The following RANBP2 variants were observed in gnomAD, a reference collection of about 807,000 sequenced individuals.
RANBP2 encodes the protein RAN binding protein 2, also known as E3 SUMO-protein ligase RanBP2.
A neutral mutation model predicts 303.6 loss-of-function variants in RANBP2; 57 were observed. The ratio of observed to expected loss-of-function variants is 0.19; its 90% CI spans 0.15 to 0.23. The LOEUF (loss-of-function observed/expected upper bound fraction) is 0.23. Ranked by LOEUF, RANBP2 falls within the 10% of genes least tolerant of loss-of-function variation. The probability of loss-of-function intolerance (pLI) is 1.00; values close to 1 mark genes in which losing one functional copy is unlikely to be tolerated. For missense variants in RANBP2, 3,138 were observed against 3,780.8 expected (o/e 0.83, Z 4.46); for synonymous variants, 1,167 against 1,301.5 (o/e 0.90, Z 2.23).
the RANBP2 span, chr2:108,930,072 A>G: frequency 7.8e-3 from 12,286 of 1,583,664 alleles, 68 homozygotes; most frequent in Non-Finnish European, 9.7e-3. Flanking sequence ...CACAAGCAGG[A>G]GGCCTCCCCT....
chr2:109,005,824 C>A, the RANBP2 span, among the ~76,000 whole-genome samples: 3 of 152,226 alleles, frequency 2.0e-5, no homozygotes, highest in South Asian at 6.2e-4. Context: ...TGGAAATCAG[C>A]TGTAACCACT....
intron 20 of RANBP2, chr2:108,769,326 C>G (rs1041007048): frequency 3.0e-6 from 3 of 984,316 alleles, no homozygotes; most frequent in African/African-American, 3.5e-5. Context: ...TCCTCACAGC[C>G]TGAGAGCAAA....
chr2:108,775,124 T>C lies in RANBP2; in HGVS notation c.8293-608T>C, dbSNP rs114778713. 3.2e-3 allele frequency among the ~76,000 whole-genome samples: 483 copies of C among 152,356 alleles called. 2 individuals are homozygous for C. The highest frequency in any genetic ancestry group is 0.011 in the African/African-American group (441 of 41,578). ...AACTGGCAAGTTTTAATATGTGATA[T>C]TTTCTCTTTCATGCAGTTTGAAATA... On this transcript the variant is annotated intron_variant, in intron 23 of 28. Transcript: ENST00000283195.
At chr2:109,620,358 G>T in the RANBP2 span, among the ~76,000 whole-genome samples, 110 of 152,252 alleles carry the variant, frequency 7.2e-4, 1 homozygote, top group South Asian at 0.023. Flanking sequence ...AGCTTTATTA[G>T]AACTGTACTT....
chr2:108,740,782 C>G, intron 7 of RANBP2, 101 bp downstream of exon 7: 1 of 1,528,104 alleles, frequency 6.5e-7, no homozygotes, highest in Non-Finnish European at 8.8e-7. Flanking sequence ...GTGAACAAAC[C>G]TGTGGAATTA....
chr2:108,952,191 A>C, the RANBP2 span, among the ~76,000 whole-genome samples: 8 of 152,310 alleles, frequency 5.3e-5, no homozygotes, highest in African/African-American at 1.4e-4. Flanking sequence ...TTCAGGTATG[A>C]GCACCATGTG....
chr2:109,744,568 CAAT>C, the RANBP2 span, among the ~76,000 whole-genome samples: 4 of 97,790 alleles, frequency 4.1e-5, 1 homozygote, highest in Admixed American at 3.1e-4. Flanking sequence ...TCTTAATAGC[CAAT>C]AATAATAAAA....
the RANBP2 span, among the ~76,000 whole-genome samples, chr2:109,119,521 C>CT: frequency 2.0e-5 from 3 of 152,102 alleles, no homozygotes; most frequent in East Asian, 5.8e-4. Flanking sequence ...ATGCTGGAAG[C>CT]TTTTTTTATA....
At chr2:109,357,427 C>T in the RANBP2 span, among the ~76,000 whole-genome samples, 70 of 152,288 alleles carry the variant, frequency 4.6e-4, no homozygotes, top group African/African-American at 1.6e-3. Flanking sequence ...GTGATCCACC[C>T]ACCTCGGCCT....
the RANBP2 span, among the ~76,000 whole-genome samples, chr2:109,221,615 C>T: frequency 6.6e-6 from 1 of 151,160 alleles, no homozygotes; most frequent in Non-Finnish European, 1.5e-5. Flanking sequence ...GTGCATCTTC[C>T]TGATGGTTAG....
chr2:109,680,163 G>A, the RANBP2 span, among the ~76,000 whole-genome samples: 3 of 148,930 alleles, frequency 2.0e-5, no homozygotes, highest in East Asian at 5.9e-4. Flanking sequence ...GGCTAACATG[G>A]TGAAACTGTC....
In RANBP2 at chr2:108,782,247, T is replaced by C. The variant is rs1678303802; in HGVS notation, c.8880T>C (p.Ile2960=). 1 of 1,614,152 alleles carries C rather than the reference T, an allele frequency of 6.2e-7. No homozygotes were observed. The highest frequency in any genetic ancestry group is 8.5e-7 in the Non-Finnish European group (1 of 1,180,032). Residue 2960 remains isoleucine (I), a synonymous_variant, in exon 27 of 29, where the codon ATT becomes ATC. Coordinates refer to ENST00000283195, the MANE Select transcript of RANBP2 (RefSeq NM_006267.5). ...WKERGVGDIK[I]LWHTMKNYYR... is the part of the protein sequence containing the mutation. ...AGCGCGGTGTTGGAGATATAAAGATTCTTTGGCATACAATGAAGAATTATT... is the reference window on the plus strand; with the variant it reads ...AGCGCGGTGTTGGAGATATAAAGATCCTTTGGCATACAATGAAGAATTATT...
intron 25 of RANBP2, 135 bp from the exon 26 acceptor site, chr2:108,781,134 A>C: frequency 1.0e-6 from 1 of 999,710 alleles, no homozygotes; most frequent in Non-Finnish European, 1.5e-6. Flanking sequence ...ATTTACTAGA[A>C]TAATATAATT....
chr2:108,777,680 C>T (rs1294077775), intron 25 of RANBP2, among the ~76,000 whole-genome samples: 3 of 151,712 alleles, frequency 2.0e-5, no homozygotes, highest in Non-Finnish European at 2.9e-5. Context: ...GTGTGCTTGC[C>T]CATCTTCTTT....
At chr2:109,202,620 C>T in the RANBP2 span, among the ~76,000 whole-genome samples, 1 of 152,122 alleles carries the variant, frequency 6.6e-6, no homozygotes, top group African/African-American at 2.4e-5. Flanking sequence ...GAGGGTGAGG[C>T]GTCAGCCCGG....
At chr2:108,922,127 C>T in the RANBP2 span, among the ~76,000 whole-genome samples, 1 of 152,348 alleles carries the variant, frequency 6.6e-6, no homozygotes, top group African/African-American at 2.4e-5. Flanking sequence ...GAAGGCTGTG[C>T]CATGTGAGAA....
the RANBP2 span, among the ~76,000 whole-genome samples, chr2:109,737,836 A>AAT: frequency 2.0e-5 from 3 of 152,114 alleles, 1 homozygote. Flanking sequence ...TAGTGATATT[A>AAT]AGCATTTTTT....
At chr2:109,108,050 C>G in the RANBP2 span, among the ~76,000 whole-genome samples, 31 of 152,320 alleles carry the variant, frequency 2.0e-4, no homozygotes, top group Middle Eastern at 3.4e-3. Flanking sequence ...GGACTACAGG[C>G]GCCTGCCACC....
chr2:108,912,040 C>T, the RANBP2 span, among the ~76,000 whole-genome samples: 15 of 152,362 alleles, frequency 9.8e-5, no homozygotes, highest in Middle Eastern at 3.4e-3. Flanking sequence ...GCCTTTTGCT[C>T]TGCGTTAGCG....
Sources: gnomAD v4.1 joint callset for allele counts (sites outside exome capture counted in the v4.1 genomes callset) on GRCh38, gnomAD v4.1.1 for gene constraint, MANE v1.5 for transcripts, NCBI Gene and HGNC (gene_info 2026-07-23, HGNC 2026-07-21) for gene names.